The following RYR2 variants were observed in gnomAD, a reference collection of about 807,000 sequenced individuals.
The protein encoded by RYR2 is ryanodine receptor 2.
In RYR2, 227 loss-of-function variants were observed where a neutral mutation model predicts 601.1. The ratio of observed to expected loss-of-function variants is 0.38; its 90% CI spans 0.34 to 0.42. The LOEUF is 0.42. Ranked by LOEUF, RYR2 falls within the 10% of genes least tolerant of loss-of-function variation. RYR2 has a pLI of 1.00. For missense variants in RYR2, 4,646 were observed against 6,156.5 expected (o/e 0.75, Z 8.21); for synonymous variants, 2,223 against 2,175.1 (o/e 1.02, Z -0.61).
chr1:237,810,751 T>C (rs1380895256), intron 100 of RYR2, among the ~76,000 whole-genome samples: 1 of 152,142 alleles, frequency 6.6e-6, no homozygotes, highest in Admixed American at 6.6e-5. Flanking sequence ...ATAACAAGTA[T>C]GCATCTGTTT....
chr1:237,048,810 C>T (rs1660902316), intron 1 of RYR2, among the ~76,000 whole-genome samples: 1 of 152,102 alleles, frequency 6.6e-6, no homozygotes. Context: ...ACTACAAGGA[C>T]AGACTTGAGA....
At chr1:237,761,345 T>C (rs1000200523) in intron 84 of RYR2, among the ~76,000 whole-genome samples, 1 of 152,180 alleles carries the variant, frequency 6.6e-6, no homozygotes, top group African/African-American at 2.4e-5. Flanking sequence ...ATAAACCACA[T>C]AGATGAACCT....
At chr1:237,441,753 T>C (rs1159222868) in intron 13 of RYR2, among the ~76,000 whole-genome samples, 1 of 152,136 alleles carries the variant, frequency 6.6e-6, no homozygotes, top group East Asian at 1.9e-4. Context: ...TCTAGTTTAG[T>C]ACCGTTCACT....
At chr1:237,372,902 A>AT (rs1700748666) in intron 6 of RYR2, among the ~76,000 whole-genome samples, 1 of 152,226 alleles carries the variant, frequency 6.6e-6, no homozygotes, top group Non-Finnish European at 1.5e-5. Context: ...TATAGTAGTG[A>AT]ATAAGACCAA....
At position 237,614,347 on chromosome 1, in the gene RYR2, C is replaced by A. The variant is rs1195313962; in HGVS notation, c.5219C>A (p.Pro1740His). The A allele has an allele frequency of 6.2e-7, 1 of 1,613,908 alleles. No individual in the cohort carries two copies. The highest frequency in any genetic ancestry group is 8.5e-7 in the Non-Finnish European group (1 of 1,179,918). ...GAGACGAAGAGCATCACCCTGTTCC[C>A]TGATGAGAACAAAAAACACGGCCTT... ...TEETKSITLF[P>H]DENKKHGLPG... The change falls in exon 37 of 105, where the codon CCT (proline) becomes CAT (histidine). Residue 1740 changes from proline to histidine, a missense_variant. Physicochemically the swap from Pro to His is moderately conservative, Grantham distance 77. Coordinates refer to ENST00000366574, the MANE Select transcript of RYR2 (RefSeq NM_001035.3). The surrounding 1 kb of genome is among the most constrained non-coding windows in gnomAD (Gnocchi z 4.3).
chr1:237,816,410 C>A (rs1182328082), intron 100 of RYR2, among the ~76,000 whole-genome samples: 2 of 152,148 alleles, frequency 1.3e-5, no homozygotes, highest in African/African-American at 4.8e-5. Context: ...CCAGGCTAGG[C>A]ACGGTGACTC....
Position 237,801,617 on chromosome 1 carries a change from A to G in RYR2, c.14091-239A>G, listed in dbSNP as rs1335855915. Reference sequence around the variant, plus strand: ...AAAGAAAGGACTATTTTTAAATAACATAAGACGAAGGTGATGATGTTTTGT... The same window carrying G: ...AAAGAAAGGACTATTTTTAAATAACGTAAGACGAAGGTGATGATGTTTTGT... On this transcript the variant is annotated intron_variant, in intron 97 of 104. Coordinates refer to ENST00000366574, the MANE Select transcript of RYR2 (RefSeq NM_001035.3). Among the ~76,000 whole-genome samples the G allele has an allele frequency of 7.9e-5, 12 of 152,092 alleles. No homozygotes were observed. The East Asian group carries it at 2.1e-3, about 27-fold the overall frequency.
In RYR2 at chr1:237,503,343, T is replaced by G. The variant is rs1664864797; in HGVS notation, c.2451T>G (p.Pro817=). ...RHGEFKFLPP[P]GYAPCYEAVL... ...GAGAATTCAAATTTCTTCCTCCACC[T>G]GGGTATGCTCCTTGTTATGAAGCTG... Residue 817 remains proline (P), a synonymous_variant, in exon 22 of 105, where the codon CCT becomes CCG. Coordinates refer to ENST00000366574, the MANE Select transcript of RYR2 (RefSeq NM_001035.3). 5.6e-6 allele frequency: 9 copies of G among 1,613,908 alleles called. No homozygotes were observed. The highest frequency in any genetic ancestry group is 7.6e-6 in the Non-Finnish European group (9 of 1,179,860).
intron 3 of RYR2, among the ~76,000 whole-genome samples, chr1:237,351,502 A>G (rs1217686890): frequency 7.9e-5 from 12 of 152,082 alleles, no homozygotes; most frequent in Non-Finnish European, 1.5e-5. Flanking sequence ...AAATGAAAAT[A>G]GGAAATCACT....
chr1:237,055,038 C>T (rs1368417835), intron 1 of RYR2, among the ~76,000 whole-genome samples: 1 of 152,182 alleles, frequency 6.6e-6, no homozygotes, highest in Admixed American at 6.5e-5. Flanking sequence ...TTGCTGGTCC[C>T]TAGAAGTCCC....
chr1:237,193,954 TTTCA>T (rs1449377512), intron 1 of RYR2, among the ~76,000 whole-genome samples: 1 of 152,226 alleles, frequency 6.6e-6, no homozygotes, highest in Non-Finnish European at 1.5e-5. Context: ...TCTCATAACT[TTTCA>T]TTCTATCTTG....
intron 25 of RYR2, among the ~76,000 whole-genome samples, chr1:237,534,454 A>C (rs1196264837): frequency 6.6e-6 from 1 of 152,012 alleles, no homozygotes; most frequent in Admixed American, 6.5e-5. Flanking sequence ...ATAAACACAC[A>C]CCAATTAAAA....
intron 101 of RYR2, among the ~76,000 whole-genome samples, chr1:237,827,888 GATTGT>G (rs1663324456): frequency 8.0e-6 from 1 of 125,192 alleles, no homozygotes; most frequent in African/African-American, 2.9e-5. Flanking sequence ...AGTGAGCCGA[GATTGT>G]GCCACTGCAC....
At chr1:237,714,767 G>C (rs950284101) in intron 71 of RYR2, among the ~76,000 whole-genome samples, 3 of 151,848 alleles carry the variant, frequency 2.0e-5, no homozygotes, top group African/African-American at 7.3e-5. Context: ...AAGGCAGATG[G>C]ATCACGAGGT....
Position 237,592,458 on chromosome 1 carries a change from C to T in RYR2, c.4275+605C>T, listed in dbSNP as rs181636269. 4.1e-4 allele frequency among the ~76,000 whole-genome samples: 62 copies of T among 152,028 alleles called. No individual in the cohort carries two copies. In the East Asian group the frequency reaches 8.1e-3, roughly 20 times the overall value. On this transcript the variant is annotated intron_variant, in intron 32 of 104. Transcript: ENST00000366574. Reference sequence around the variant, plus strand: ...GACCAGCCTGGCCAACATGGTGAAACGCTGTCTCTATTAAAAATATAAACA... The same window carrying T: ...GACCAGCCTGGCCAACATGGTGAAATGCTGTCTCTATTAAAAATATAAACA...
At chr1:237,290,001 G>C (rs1692032224) in intron 2 of RYR2, among the ~76,000 whole-genome samples, 1 of 152,148 alleles carries the variant, frequency 6.6e-6, no homozygotes, top group Non-Finnish European at 1.5e-5. Context: ...AATTCAGCAT[G>C]AGTTTACAAT....
At chr1:237,297,624 C>G (rs1032968570) in intron 2 of RYR2, among the ~76,000 whole-genome samples, 1 of 151,948 alleles carries the variant, frequency 6.6e-6, no homozygotes, top group Admixed American at 6.6e-5. Flanking sequence ...GAAGTCTTCT[C>G]AGTTTCTAAA....
chr1:237,645,657 C>G (rs1385446696), intron 48 of RYR2, among the ~76,000 whole-genome samples: 5 of 152,178 alleles, frequency 3.3e-5, no homozygotes, highest in Non-Finnish European at 5.9e-5. Flanking sequence ...CTCCAGTCAT[C>G]TGCCTTTAGC....
intron 56 of RYR2, among the ~76,000 whole-genome samples, chr1:237,664,421 C>G (rs1255980653): frequency 6.6e-6 from 1 of 152,172 alleles, no homozygotes; most frequent in Non-Finnish European, 1.5e-5. Context: ...GGGCAAATTT[C>G]AAAAGAAAGA....
Sources: allele counts gnomAD v4.1 joint callset (sites outside exome capture counted in the v4.1 genomes callset), GRCh38; gene constraint gnomAD v4.1.1; non-coding constraint Gnocchi (gnomAD v3.1); transcripts MANE v1.5; gene names NCBI Gene and HGNC (gene_info 2026-07-23, HGNC 2026-07-21).